The following DSCAM variants were observed in gnomAD, a reference collection of about 807,000 sequenced individuals.
The protein encoded by DSCAM is DS cell adhesion molecule, also known as cell adhesion molecule DSCAM.
Under a neutral mutation model 217.7 loss-of-function variants are expected in DSCAM, and 47 were observed. The observed-to-expected ratio is 0.22, with a 90% CI of 0.17 to 0.28. The LOEUF (loss-of-function observed/expected upper bound fraction) is 0.28. Among genes scored for constraint, DSCAM ranks in the 10% least tolerant of loss-of-function variants. The probability of loss-of-function intolerance (pLI) is 1.00; values close to 1 mark genes in which losing one functional copy is unlikely to be tolerated. For missense variants in DSCAM, 2,080 were observed against 2,618.3 expected, an observed-to-expected ratio of 0.79 and a Z score of 4.49; for synonymous variants, 1,056 against 1,015.3, an observed-to-expected ratio of 1.04 and a Z score of -0.76.
intron 3 of DSCAM, among the ~76,000 whole-genome samples, chr21:40,595,592 G>T (rs967950122): frequency 2.0e-5 from 3 of 152,100 alleles, no homozygotes. Flanking sequence ...TCAGGAACGG[G>T]AACACAACCT....
intron 30 of DSCAM, 90 bp downstream of exon 30, chr21:40,051,868 G>C (rs554480398): frequency 6.7e-7 from 1 of 1,488,644 alleles, no homozygotes; most frequent in African/African-American, 1.4e-5. Flanking sequence ...GGTATGAAAA[G>C]CCACACATTT....
chr21:40,590,127 G>C (rs1189148567), intron 3 of DSCAM, among the ~76,000 whole-genome samples: 1 of 152,154 alleles, frequency 6.6e-6, no homozygotes, highest in East Asian at 1.9e-4. Flanking sequence ...CTAAGAAATA[G>C]ACCCAAAGTG....
intron 1 of DSCAM, among the ~76,000 whole-genome samples, chr21:40,725,956 G>T (rs532398422): frequency 6.6e-4 from 100 of 152,216 alleles, no homozygotes; most frequent in African/African-American, 2.1e-3. Flanking sequence ...GAATTAAAAG[G>T]TTGCAAACTC....
chr21:40,049,746 A>T (rs778135973), intron 30 of DSCAM, among the ~76,000 whole-genome samples: 58 of 152,092 alleles, frequency 3.8e-4, no homozygotes, highest in Non-Finnish European at 6.5e-4. Context: ...CGTCCCTCCC[A>T]TGTGCGTCCT....
intron 3 of DSCAM, among the ~76,000 whole-genome samples, chr21:40,462,336 A>G (rs1300233724): frequency 3.3e-5 from 5 of 152,120 alleles, no homozygotes; most frequent in Non-Finnish European, 7.4e-5. Flanking sequence ...TCTTGGACCC[A>G]TCTTCTGGCA....
chr21:40,428,091 T>A (rs1326345302), intron 3 of DSCAM, among the ~76,000 whole-genome samples: 1 of 152,130 alleles, frequency 6.6e-6, no homozygotes, highest in African/African-American at 2.4e-5. Flanking sequence ...GAATCTGCCT[T>A]TAAGTTTCTG....
At chr21:40,521,431 G>A (rs113080080) in intron 3 of DSCAM, among the ~76,000 whole-genome samples, 3,785 of 152,184 alleles carry the variant, frequency 0.025, 72 homozygotes, top group Middle Eastern at 0.037. Flanking sequence ...ATCTTATTAT[G>A]TCTTTTGGAT....
At chr21:40,296,568 A>C (rs1265836589) in intron 9 of DSCAM, among the ~76,000 whole-genome samples, 1 of 152,206 alleles carries the variant, frequency 6.6e-6, no homozygotes, top group East Asian at 1.9e-4. Flanking sequence ...GCGGTGGCTC[A>C]TGCCTGTAAT....
At chr21:40,636,374 G>C (rs950903168) in intron 3 of DSCAM, among the ~76,000 whole-genome samples, 1 of 152,128 alleles carries the variant, frequency 6.6e-6, no homozygotes, top group Non-Finnish European at 1.5e-5. Context: ...ATTAGAGAGA[G>C]AGGGAGAGAG....
intron 1 of DSCAM, among the ~76,000 whole-genome samples, chr21:40,824,708 G>A (rs980205763): frequency 5.3e-5 from 8 of 151,944 alleles, no homozygotes; most frequent in African/African-American, 1.2e-4. Context: ...CACCTCGCCC[G>A]GCCCCTATCC....
At chr21:40,830,048 T>C (rs2092000215) in intron 1 of DSCAM, among the ~76,000 whole-genome samples, 1 of 152,144 alleles carries the variant, frequency 6.6e-6, no homozygotes, top group Non-Finnish European at 1.5e-5. Flanking sequence ...AGCATGGCCA[T>C]TTGTGTTAGG....
At chr21:40,409,100 T>C (rs931529823) in intron 3 of DSCAM, among the ~76,000 whole-genome samples, 5 of 152,216 alleles carry the variant, frequency 3.3e-5, no homozygotes, top group African/African-American at 1.2e-4. Context: ...CCTAAGGGTG[T>C]ATTTTCAAAA....
intron 3 of DSCAM, chr21:40,382,985 C>T (rs1393099510): frequency 1.3e-5 from 2 of 152,212 alleles, no homozygotes; most frequent in Non-Finnish European, 2.9e-5. Context: ...AAAACAGAGG[C>T]AAACAGTGTC....
chr21:40,367,580 C>A (rs1052110153), intron 4 of DSCAM, among the ~76,000 whole-genome samples: 3 of 152,180 alleles, frequency 2.0e-5, no homozygotes, highest in African/African-American at 7.2e-5. Context: ...TTAGCATTAA[C>A]AAATTTCTTC....
chr21:40,684,981 A>G (rs1003954833), intron 3 of DSCAM, among the ~76,000 whole-genome samples: 8 of 152,230 alleles, frequency 5.3e-5, no homozygotes, highest in Non-Finnish European at 1.2e-4. Flanking sequence ...AGAATATAAA[A>G]TGAACTCCAT....
chr21:40,490,839 T>C (rs1344472766), intron 3 of DSCAM, among the ~76,000 whole-genome samples: 2 of 152,240 alleles, frequency 1.3e-5, no homozygotes, highest in Non-Finnish European at 2.9e-5. Context: ...TCACTGGGGA[T>C]TTTTGCTGAC....
intron 30 of DSCAM, among the ~76,000 whole-genome samples, chr21:40,049,194 G>C (rs2088889899): frequency 6.6e-6 from 1 of 152,158 alleles, no homozygotes; most frequent in African/African-American, 2.4e-5. Flanking sequence ...CTAAGCCCCA[G>C]GGACAGCATC....
chr21:40,432,211 A>ATAATAAATAAATAAAT (rs377527411), intron 3 of DSCAM, among the ~76,000 whole-genome samples: 16 of 46,836 alleles, frequency 3.4e-4, no homozygotes, highest in African/African-American at 8.1e-4. Flanking sequence ...ATAATAATAA[A>ATAATAAATAAATAAAT]AAATAAATAT....
intron 1 of DSCAM, among the ~76,000 whole-genome samples, chr21:40,833,737 T>G (rs1418212364): frequency 6.6e-6 from 1 of 152,216 alleles, no homozygotes; most frequent in Non-Finnish European, 1.5e-5. Flanking sequence ...GACATTTTCC[T>G]TCCTCCTCTC....
Sources: gnomAD v4.1 joint callset for allele counts (sites outside exome capture counted in the v4.1 genomes callset) on GRCh38, gnomAD v4.1.1 for gene constraint, MANE v1.5 for transcripts, NCBI Gene and HGNC (gene_info 2026-07-23, HGNC 2026-07-21) for gene names.